The following ESF1 variants were observed in gnomAD, a reference collection of about 807,000 sequenced individuals.
ESF1 encodes ESF1 homolog.
Under a neutral mutation model 92.0 loss-of-function variants are expected in ESF1, and 58 were observed. The observed-to-expected ratio is 0.63, with a 90% CI of 0.51 to 0.78. The LOEUF is 0.78. ESF1 is among the 30% of genes least tolerant of loss of function. The pLI is 0.00. For synonymous variants in ESF1, 321 were observed against 313.7 expected (o/e 1.02, Z -0.24); for missense variants, 922 against 989.1 (o/e 0.93, Z 0.91).
At chr20:13,723,629 G>A (rs1267316442) in intron 11 of ESF1, among the ~76,000 whole-genome samples, 2 of 151,942 alleles carry the variant, frequency 1.3e-5, no homozygotes, top group African/African-American at 2.4e-5. Context: ...CACCTAATCT[G>A]AGCCAAACGC....
At chr20:13,745,201 T>C (rs2147744529) in intron 9 of ESF1, among the ~76,000 whole-genome samples, 1 of 152,180 alleles carries the variant, frequency 6.6e-6, no homozygotes, top group East Asian at 1.9e-4. Context: ...CATGACCTAG[T>C]AGAGGTAATT....
At chr20:13,747,561 T>C (rs2050059243) in intron 9 of ESF1, among the ~76,000 whole-genome samples, 1 of 148,736 alleles carries the variant, frequency 6.7e-6, no homozygotes, top group Admixed American at 6.7e-5. Context: ...ACCACTGCAC[T>C]GCAGCCTGCC....
At chr20:13,734,416 T>C (rs191873647) in intron 9 of ESF1, among the ~76,000 whole-genome samples, 53 of 152,278 alleles carry the variant, frequency 3.5e-4, no homozygotes, top group Middle Eastern at 6.8e-3. Flanking sequence ...TGAGGCCTCA[T>C]AGAAAAGATC....
At chr20:13,765,256 T>C (rs1479258840) in intron 8 of ESF1, among the ~76,000 whole-genome samples, 3 of 152,128 alleles carry the variant, frequency 2.0e-5, no homozygotes, top group Admixed American at 6.5e-5. Context: ...AAGATAAAGA[T>C]AATTTGAGGA....
intron 4 of ESF1, among the ~76,000 whole-genome samples, chr20:13,774,760 T>G (rs916930616): frequency 6.6e-6 from 1 of 152,246 alleles, no homozygotes; most frequent in Non-Finnish European, 1.5e-5. Flanking sequence ...TGTTACAGTT[T>G]ACTTCACATA....
intron 10 of ESF1, among the ~76,000 whole-genome samples, chr20:13,732,042 C>G (rs935427598): frequency 2.0e-5 from 3 of 152,208 alleles, no homozygotes; most frequent in African/African-American, 7.2e-5. Flanking sequence ...AGGTCTGTGG[C>G]CACTCCAGCA....
At chr20:13,753,865 G>A (rs1216519841) in intron 9 of ESF1, among the ~76,000 whole-genome samples, 3 of 152,212 alleles carry the variant, frequency 2.0e-5, no homozygotes. Context: ...ACTTTGAGCA[G>A]TAGGATATAA....
chr20:13,774,566 G>A (rs995774747), intron 4 of ESF1, among the ~76,000 whole-genome samples: 10 of 152,092 alleles, frequency 6.6e-5, no homozygotes, highest in African/African-American at 2.4e-4. Flanking sequence ...ATATCCATTT[G>A]GATATATTGG....
intron 11 of ESF1, among the ~76,000 whole-genome samples, chr20:13,724,070 G>A (rs116435009): frequency 0.013 from 1,924 of 152,274 alleles, 19 homozygotes; most frequent in Middle Eastern, 0.02. Context: ...CGAGGCGCGC[G>A]GATCACCTGA....
chr20:13,784,703 A>C (rs1194462436), intron 1 of ESF1, 177 bp downstream of exon 1: 1 of 255,304 alleles, frequency 3.9e-6, no homozygotes. Flanking sequence ...AGCGACCCTG[A>C]AAAGGATCGA....
chr20:13,783,113 C>T lies in ESF1; in HGVS notation c.28G>A (p.Asp10Asn). ...TTTGCAACCCGTCTAAACCGCTGGTCACTCATTATTTCTTGTTTGGATGAC... is the reference window on the plus strand; with the variant it reads ...TTTGCAACCCGTCTAAACCGCTGGTTACTCATTATTTCTTGTTTGGATGAC... MSSKQEIMS[D>N]QRFRRVAKDP... Residue 10 changes from aspartate (D) to asparagine (N), a missense_variant, in exon 2 of 14, where the codon GAC becomes AAC. Physicochemically the swap from Asp to Asn is conservative, Grantham distance 23. Transcript: ENST00000617257. 1 of 1,605,982 alleles carries T rather than the reference C, an allele frequency of 6.2e-7. No homozygotes were observed. The highest frequency in any genetic ancestry group is 8.5e-7 in the Non-Finnish European group (1 of 1,173,714).
chr20:13,736,363 A>C (rs2147735936), intron 9 of ESF1, among the ~76,000 whole-genome samples: 1 of 152,298 alleles, frequency 6.6e-6, no homozygotes. Flanking sequence ...AATCATTAAA[A>C]ATCATTTCTA....
chr20:13,743,244 TAAC>T (rs1385894688), intron 9 of ESF1, among the ~76,000 whole-genome samples: 1 of 152,120 alleles, frequency 6.6e-6, no homozygotes, highest in Admixed American at 6.6e-5. Context: ...TGACAAGAGA[TAAC>T]AAATGCTGGT....
At chr20:13,744,741 T>C (rs2050037325) in intron 9 of ESF1, among the ~76,000 whole-genome samples, 1 of 152,236 alleles carries the variant, frequency 6.6e-6, no homozygotes, top group African/African-American at 2.4e-5. Context: ...AGGTCTTTGC[T>C]GAAGTGTCAC....
rs1164668046 is a variant in ESF1, at chr20:13,718,977, A to T, written c.2046T>A (p.Asn682Lys). 2 of 1,602,658 alleles carry T rather than the reference A, an allele frequency of 1.2e-6. No individual in the cohort carries two copies. Among genetic ancestry groups the T allele is most frequent in the Non-Finnish European group, 1.7e-6 (2 of 1,176,518 alleles). ...CTTTTGCAGATTTTACCGATTTTTT[A>T]TTTATACCTGGCACAACAAACCAAC... Reference protein sequence around the residue: ...FAEEVKQIGINKKSVKSAKDG... With the variant: ...FAEEVKQIGIKKKSVKSAKDG... The change falls in exon 12 of 14, where the codon AAT becomes AAA. Residue 682 changes from asparagine to lysine, a missense_variant. Coordinates refer to ENST00000617257, the MANE Select transcript of ESF1 (RefSeq NM_001276380.2).
chr20:13,725,696 C>T (rs2147724103), intron 11 of ESF1, among the ~76,000 whole-genome samples: 1 of 152,294 alleles, frequency 6.6e-6, no homozygotes, highest in East Asian at 1.9e-4. Flanking sequence ...TAGGGCCCAT[C>T]CTGCATCCTC....
At chr20:13,733,055 A>G (rs1176798561) in intron 10 of ESF1, among the ~76,000 whole-genome samples, 1 of 151,700 alleles carries the variant, frequency 6.6e-6, no homozygotes, top group Non-Finnish European at 1.5e-5. Flanking sequence ...CCTCCCAAGT[A>G]GCTGGGATTA....
At chr20:13,742,793 C>CA (rs2050023848) in intron 9 of ESF1, among the ~76,000 whole-genome samples, 1 of 152,132 alleles carries the variant, frequency 6.6e-6, no homozygotes, top group Non-Finnish European at 1.5e-5. Context: ...CCCACATTAA[C>CA]AAAGTTAACA....
chr20:13,756,658 C>T (rs1247255301), intron 9 of ESF1, among the ~76,000 whole-genome samples: 1 of 152,196 alleles, frequency 6.6e-6, no homozygotes, highest in African/African-American at 2.4e-5. Flanking sequence ...GAGGTTTTGA[C>T]ACTGGTAGTT....
Sources: allele counts gnomAD v4.1 joint callset (sites outside exome capture counted in the v4.1 genomes callset), GRCh38; gene constraint gnomAD v4.1.1; transcripts MANE v1.5; gene names NCBI Gene and HGNC (gene_info 2026-07-23, HGNC 2026-07-21).